Variants in BTBD10 observed in about 807,000 individuals in gnomAD.
BTBD10 encodes the protein BTB domain containing 10.
A neutral mutation model predicts 53.2 loss-of-function variants in BTBD10; 21 were observed. That is an observed-to-expected ratio of 0.39 (90% CI 0.28 to 0.57). BTBD10 has a LOEUF of 0.57. Among genes scored for constraint, BTBD10 ranks in the 20% least tolerant of loss-of-function variants. The probability of loss-of-function intolerance (pLI) is 0.53; values close to 1 mark genes in which losing one functional copy is unlikely to be tolerated. For synonymous variants in BTBD10, 149 were observed against 192.7 expected (o/e 0.77, Z 1.88); for missense variants, 360 against 594.7 (o/e 0.61, Z 4.10).
At chr11:13,450,552 T>C (rs562437545) in intron 1 of BTBD10, among the ~76,000 whole-genome samples, 1 of 152,344 alleles carries the variant, frequency 6.6e-6, no homozygotes, top group South Asian at 2.1e-4. Flanking sequence ...AAAATGTTTA[T>C]AATTTCCTCT....
chr11:13,412,021 A>C (rs1308806856), intron 6 of BTBD10, among the ~76,000 whole-genome samples: 1 of 151,994 alleles, frequency 6.6e-6, no homozygotes, highest in African/African-American at 2.4e-5. Flanking sequence ...AGTAGAGAAG[A>C]GGTTTCTCCA....
chr11:13,462,591 C>T (rs1951123441), intron 1 of BTBD10: 1 of 152,240 alleles, frequency 6.6e-6, no homozygotes, highest in Admixed American at 6.5e-5. Flanking sequence ...AGAACCTTTT[C>T]CGTGCAAGTT....
rs538239526 is a variant in BTBD10, at chr11:13,388,085, G to GCAAA, written c.*742_*745dup. On this transcript the variant is annotated 3_prime_UTR_variant, in exon 9 of 9. Coordinates refer to ENST00000278174, the MANE Select transcript of BTBD10 (RefSeq NM_032320.7). ...TTTACAATCATTTAGTAAATGAAGA[G>GCAAA]CAAACACTTCATTTTCCTATCCCAT... 2.7e-4 allele frequency: 41 copies of GCAAA among 152,512 alleles called. No homozygotes were observed. Among genetic ancestry groups the GCAAA allele is most frequent in the African/African-American group, 8.9e-4 (37 of 41,472 alleles). 9.4% of individuals were successfully genotyped at this position (152,512 alleles called of 1,614,324 possible).
chr11:13,431,618 A>T (rs1168419334), intron 2 of BTBD10, among the ~76,000 whole-genome samples: 1 of 152,164 alleles, frequency 6.6e-6, no homozygotes, highest in Non-Finnish European at 1.5e-5. Context: ...AGTTTCTAAA[A>T]ACTTTTAAAT....
chr11:13,459,088 G>A (rs1302825373), intron 1 of BTBD10, among the ~76,000 whole-genome samples: 5 of 142,520 alleles, frequency 3.5e-5, no homozygotes, highest in African/African-American at 5.2e-5. Flanking sequence ...ACGGAGTCTC[G>A]CTCTGTCGCC....
chr11:13,420,173 C>T (rs1167333626), intron 3 of BTBD10, among the ~76,000 whole-genome samples: 1 of 152,026 alleles, frequency 6.6e-6, no homozygotes, highest in African/African-American at 2.4e-5. Flanking sequence ...AAAGAGATAA[C>T]ACTATTCTGA....
chr11:13,396,750 A>G (rs1949561587), intron 8 of BTBD10, among the ~76,000 whole-genome samples: 1 of 152,190 alleles, frequency 6.6e-6, no homozygotes, highest in African/African-American at 2.4e-5. Context: ...TTTAGCATGA[A>G]GTGTTGTTGA....
At chr11:13,390,106 T>C (rs1433018430) in intron 8 of BTBD10, among the ~76,000 whole-genome samples, 6 of 151,026 alleles carry the variant, frequency 4.0e-5, no homozygotes, top group African/African-American at 1.5e-4. Flanking sequence ...AAATTAGTTA[T>C]TTACTAGTAA....
intron 8 of BTBD10, among the ~76,000 whole-genome samples, chr11:13,396,858 T>C (rs531917990): frequency 1.3e-5 from 2 of 152,256 alleles, no homozygotes; most frequent in Non-Finnish European, 2.9e-5. Context: ...GATTTTTGCA[T>C]GTGGAACCAG....
At chr11:13,424,099 C>A (rs1403653157) in intron 2 of BTBD10, among the ~76,000 whole-genome samples, 1 of 152,148 alleles carries the variant, frequency 6.6e-6, no homozygotes, top group African/African-American at 2.4e-5. Flanking sequence ...TTAAATAGAA[C>A]AAAGATCATA....
At chr11:13,446,323 G>A (rs1310552321) in intron 1 of BTBD10, among the ~76,000 whole-genome samples, 1 of 152,014 alleles carries the variant, frequency 6.6e-6, no homozygotes, top group Admixed American at 6.6e-5. Flanking sequence ...ATACTTTCCT[G>A]AGTTTTACAC....
At chr11:13,410,359 G>T (rs1949915093) in intron 6 of BTBD10, among the ~76,000 whole-genome samples, 1 of 152,076 alleles carries the variant, frequency 6.6e-6, no homozygotes, top group African/African-American at 2.4e-5. Flanking sequence ...AAGGAAGGGA[G>T]AGTCAAGAAA....
intron 2 of BTBD10, among the ~76,000 whole-genome samples, chr11:13,433,471 T>A (rs1209835212): frequency 6.6e-6 from 1 of 152,254 alleles, no homozygotes; most frequent in Non-Finnish European, 1.5e-5. Flanking sequence ...ATTTTTTTAC[T>A]ATTCTAACAA....
At chr11:13,448,739 C>T (rs1320214788) in intron 1 of BTBD10, among the ~76,000 whole-genome samples, 1 of 152,122 alleles carries the variant, frequency 6.6e-6, no homozygotes, top group Non-Finnish European at 1.5e-5. Flanking sequence ...ATCAGAACGG[C>T]CTTCCTAAAA....
intron 1 of BTBD10, among the ~76,000 whole-genome samples, chr11:13,445,846 C>CAACAGCTTTACAGAATATCTGAGCTA (rs1243214380): frequency 1.3e-5 from 2 of 152,146 alleles, no homozygotes; most frequent in African/African-American, 4.8e-5. Context: ...ACTCACTTAA[C>CAACAGCTTTACAGAATATCTGAGCTA]AACAGCTTTA....
intron 8 of BTBD10, among the ~76,000 whole-genome samples, chr11:13,396,955 G>A (rs1949567659): frequency 1.3e-5 from 2 of 152,182 alleles, no homozygotes; most frequent in Admixed American, 6.5e-5. Flanking sequence ...GAATTTTATT[G>A]AGGAGTTTTG....
chr11:13,394,892 A>G (rs1591086647), intron 8 of BTBD10, among the ~76,000 whole-genome samples: 1 of 151,850 alleles, frequency 6.6e-6, no homozygotes, highest in South Asian at 2.1e-4. Flanking sequence ...TTATGGCTGC[A>G]TAGTATTCCA....
chr11:13,441,233 C>T (rs1950643178), intron 2 of BTBD10, among the ~76,000 whole-genome samples: 1 of 151,928 alleles, frequency 6.6e-6, no homozygotes, highest in African/African-American at 2.4e-5. Context: ...TAACTGTAAA[C>T]AAATTTTTAA....
intron 2 of BTBD10, among the ~76,000 whole-genome samples, chr11:13,422,343 AG>A (rs374269524): frequency 8.5e-5 from 13 of 152,164 alleles, no homozygotes; most frequent in African/African-American, 3.1e-4. Context: ...TTTTTTTTAA[AG>A]TTTTTCTGAA....
Sources: allele counts gnomAD v4.1 joint callset (sites outside exome capture counted in the v4.1 genomes callset), GRCh38; gene constraint gnomAD v4.1.1; transcripts MANE v1.5; gene names NCBI Gene and HGNC (gene_info 2026-07-23, HGNC 2026-07-21).